The following KRT79 variants were observed in gnomAD, a reference collection of about 807,000 sequenced individuals.
KRT79 encodes keratin 79.
KRT79 carries 51 observed loss-of-function variants against 49.0 expected under a neutral mutation model. The observed-to-expected ratio is 1.04, with a 90% CI of 0.83 to 1.31. The LOEUF is 1.31. KRT79 is among the 40% of genes most tolerant of loss of function. The pLI, the probability that KRT79 is intolerant of heterozygous loss-of-function variation, is 0.00. For missense variants in KRT79, 728 were observed against 688.0 expected, an observed-to-expected ratio of 1.06 and a Z score of -0.65; for synonymous variants, 312 against 286.6, an observed-to-expected ratio of 1.09 and a Z score of -0.90.
intron 8 of KRT79, 69 bp downstream of exon 8, chr12:52,822,276 T>C: frequency 6.6e-7 from 1 of 1,507,528 alleles, no homozygotes; most frequent in Non-Finnish European, 9.1e-7. Flanking sequence ...CAGGTACAGG[T>C]TGCATAAACT....
intron 5 of KRT79, 81 bp downstream of exon 5, chr12:52,824,117 G>C: frequency 1.2e-6 from 2 of 1,611,886 alleles, no homozygotes; most frequent in East Asian, 2.2e-5. Flanking sequence ...GGACTCCAAG[G>C]GTCCCAGAGG....
At position 52,822,023 on chromosome 12, in the gene KRT79, C is replaced by T. The variant is rs569200326; in HGVS notation, c.1457G>A (p.Gly486Asp). The T allele has an allele frequency of 1.2e-6, 2 of 1,614,162 alleles. No homozygotes were observed. Among genetic ancestry groups the T allele is most frequent in the East Asian group, 2.2e-5 (1 of 44,882 alleles). The change falls in exon 9 of 9, where the codon GGT becomes GAT. Residue 486 changes from glycine to aspartate, a missense_variant. Coordinates refer to ENST00000330553, the MANE Select transcript of KRT79 (RefSeq NM_175834.3). ...CCCACTCCCACCCAGGGAGATGCCA[C>T]CTCCAAAGCTGGCTGCGCCACCTCC... ...VCGGGAASFG[G>D]GISLGGSGGA...
In KRT79 at chr12:52,833,085, C is replaced by T. The variant is rs114062626; in HGVS notation, c.477+699G>A. Among the ~76,000 whole-genome samples, 1,310 of 152,300 alleles carry T rather than the reference C, an allele frequency of 8.6e-3. 18 individuals carry two copies. The highest frequency in any genetic ancestry group is 0.03 in the African/African-American group (1,259 of 41,548). ...CCAGGAAATCCCAGCACAAGTGTTG[C>T]TCCCATCCATCTGGAGGCAAGGGCA... On this transcript the variant is annotated intron_variant, in intron 1 of 8. Transcript: ENST00000330553.
At chr12:52,822,621 T>C (rs995563906) in intron 7 of KRT79, among the ~76,000 whole-genome samples, 1 of 152,214 alleles carries the variant, frequency 6.6e-6, no homozygotes, top group Non-Finnish European at 1.5e-5. Context: ...TCTCTGCCCA[T>C]GTGGGCTACG....
intron 1 of KRT79, among the ~76,000 whole-genome samples, chr12:52,832,072 C>G (rs990471760): frequency 6.6e-6 from 1 of 152,078 alleles, no homozygotes; most frequent in Non-Finnish European, 1.5e-5. Context: ...AGTTCAAGAC[C>G]AGCCTAGGCA....
chr12:52,821,611 G>C lies in KRT79; in HGVS notation c.*261C>G. On this transcript the variant is annotated 3_prime_UTR_variant, in exon 9 of 9. Transcript: ENST00000330553. ...TGAGAAATTCAGCCTCCTCTCGGTG[G>C]TCAAAAGGTCACCCCCAAGTCACCC... 1.9e-6 allele frequency: 1 copy of C among 519,448 alleles called. No individual in the cohort carries two copies. Among genetic ancestry groups the C allele is most frequent in the Non-Finnish European group, 3.5e-6 (1 of 287,074 alleles). The allele number at this position is 519,448 out of a possible 1,614,324, so 32.2% of individuals were successfully genotyped here.
Position 52,821,882 on chromosome 12 carries a change from T to C in KRT79, c.1598A>G (p.Gln533Arg), listed in dbSNP as rs1940093292. 2 of 1,613,962 alleles carry C rather than the reference T, an allele frequency of 1.2e-6. No individual in the cohort carries two copies. The highest frequency in any genetic ancestry group is 1.7e-5 in the Admixed American group (1 of 60,014). ...RKTTTVKTSSQRY is the reference protein window; with the variant it reads ...RKTTTVKTSSRRY ...TGCAGGGCTCAGCAGCTAATACCTCTGGCTGGACGTCTTGACCGTAGTGGT... is the reference window on the plus strand; with the variant it reads ...TGCAGGGCTCAGCAGCTAATACCTCCGGCTGGACGTCTTGACCGTAGTGGT... The change falls in exon 9 of 9, where the codon CAG becomes CGG. Residue 533 changes from glutamine to arginine, a missense_variant. Physicochemically the swap from Gln to Arg is conservative, Grantham distance 43. Transcript: ENST00000330553.
At chr12:52,824,451 A>T in intron 4 of KRT79, 89 bp from the exon 5 acceptor site, 5 of 1,358,806 alleles carry the variant, frequency 3.7e-6, no homozygotes, top group Non-Finnish European at 5.1e-6. Context: ...CCCAGGTAGC[A>T]TCAGGAGGCC....
chr12:52,833,663 A>C, intron 1 of KRT79, 121 bp downstream of exon 1: 2 of 834,834 alleles, frequency 2.4e-6, no homozygotes, highest in South Asian at 1.5e-5. Context: ...GGAGAGCTCC[A>C]GAGCTCTATC....
intron 1 of KRT79, among the ~76,000 whole-genome samples, chr12:52,833,169 C>T (rs1052128764): frequency 1.6e-4 from 25 of 152,168 alleles, no homozygotes; most frequent in Non-Finnish European, 2.8e-4. Context: ...AGCTTGGTGA[C>T]CTGGTGACCA....
In KRT79 at chr12:52,821,823, G is replaced by A. The variant is rs1940091531; in HGVS notation, c.*49C>T. 6.5e-7 allele frequency: 1 copy of A among 1,536,956 alleles called. No homozygotes were observed. The highest frequency in any genetic ancestry group is 1.7e-5 in the Admixed American group (1 of 57,484). On this transcript the variant is annotated 3_prime_UTR_variant, in exon 9 of 9. Coordinates refer to ENST00000330553, the MANE Select transcript of KRT79 (RefSeq NM_175834.3). ...GACTGGAAAGGACAGCAGAGGTGGG[G>A]TGAGGAGGGCAGGGACAGGATTGCA...
chr12:52,830,369 A>T, intron 2 of KRT79, 77 bp from the exon 3 acceptor site: 2 of 1,249,940 alleles, frequency 1.6e-6, no homozygotes, highest in Non-Finnish European at 2.4e-6. Flanking sequence ...AGCCTTACAG[A>T]AGCCCTGATG....
chr12:52,830,289 G>C lies in KRT79; in HGVS notation c.702C>G (p.Tyr234Ter), dbSNP rs146150131. 215 of 1,614,088 alleles carry C rather than the reference G, an allele frequency of 1.3e-4. 2 individuals carry two copies. The East Asian group carries it at 4.8e-3, about 36-fold the overall frequency. Reference sequence around the variant, plus strand: ...CAGTGTGCTTGTTGATTTCATCCTCGTACCTGTTACACATGGGAGACTCAG... The same window carrying C: ...CAGTGTGCTTGTTGATTTCATCCTCCTACCTGTTACACATGGGAGACTCAG... ...QDLVEDFKNK[Y>*]EDEINKHTAA... Residue 234 changes from tyrosine (Y) to a stop codon, truncating the protein, a stop_gained, in exon 3 of 9, where the codon TAC becomes TAG. Coordinates refer to ENST00000330553, the MANE Select transcript of KRT79 (RefSeq NM_175834.3). LOFTEE classifies it high-confidence loss of function.
Position 52,821,614 on chromosome 12 carries a change from AAAAGGTCACC to A in KRT79, c.*248_*257del. 2.3e-5 allele frequency: 9 copies of A among 391,594 alleles called. No individual in the cohort carries two copies. The highest frequency in any genetic ancestry group is 9.7e-5 in the South Asian group (3 of 30,832). The allele number at this position is 391,594 out of a possible 1,614,324, so 24.3% of individuals were successfully genotyped here. A position where few individuals can be genotyped will look rare whatever the true frequency, so the allele number is the denominator to read the frequency against. On this transcript the variant is annotated 3_prime_UTR_variant, in exon 9 of 9. Transcript: ENST00000330553. ...GAAATTCAGCCTCCTCTCGGTGGTC[AAAAGGTCACC>A]CCCAAGTCACCCAAGCACATCACTC...
Position 52,822,366 on chromosome 12 carries a change from A to C in KRT79, c.1381T>G (p.Cys461Gly). The change falls in exon 8 of 9, where the codon TGT (cysteine) becomes GGT (glycine). Residue 461 changes from cysteine (C) to glycine (G), a missense_variant. Coordinates refer to ENST00000330553, the MANE Select transcript of KRT79 (RefSeq NM_175834.3). Reference protein sequence around the residue: ...ESEESRMSGECPSAVSISVTG... With the variant: ...ESEESRMSGEGPSAVSISVTG... ...TCACAAATGCTGACTGCACTGGGAC[A>C]TTCTCCAGACATCCTAGGGGACACA... is the stretch of plus-strand genomic sequence containing the variant. 6.2e-7 allele frequency: 1 copy of C among 1,602,032 alleles called. No individual in the cohort carries two copies. The highest frequency in any genetic ancestry group is 1.1e-5 in the South Asian group (1 of 88,388).
chr12:52,827,233 C>T (rs553177508), intron 4 of KRT79, among the ~76,000 whole-genome samples: 10 of 82,962 alleles, frequency 1.2e-4, no homozygotes, highest in East Asian at 3.3e-4. Flanking sequence ...TCAGCCATGG[C>T]GTCCCATGTG....
intron 4 of KRT79, among the ~76,000 whole-genome samples, chr12:52,826,246 G>A (rs868051481): frequency 6.6e-6 from 1 of 152,166 alleles, no homozygotes; most frequent in Non-Finnish European, 1.5e-5. Flanking sequence ...GGAACAAGGG[G>A]ATAGAAAGGT....
Position 52,822,467 on chromosome 12 carries a change from A to T in KRT79, c.1368-88T>A, listed in dbSNP as rs1368257931. ...CTCCTTCCCTCTGCCTTTACATTGG[A>T]TCCACTCAGTGAATCCTGATGACAA... On this transcript the variant is annotated intron_variant, in intron 7 of 8. Coordinates refer to ENST00000330553, the MANE Select transcript of KRT79 (RefSeq NM_175834.3). 4.6e-6 allele frequency: 4 copies of T among 863,584 alleles called. No homozygotes were observed. The African/African-American group carries it at 6.8e-5, about 15-fold the overall frequency. 53.5% of individuals were successfully genotyped at this position (863,584 alleles called of 1,614,324 possible). A position where few individuals can be genotyped will look rare whatever the true frequency, so the allele number is the denominator to read the frequency against.
chr12:52,824,760 C>G (rs1316948993), intron 4 of KRT79, among the ~76,000 whole-genome samples: 1 of 152,118 alleles, frequency 6.6e-6, no homozygotes, highest in Non-Finnish European at 1.5e-5. Flanking sequence ...GGAAAGACAC[C>G]CCTTCAGGTG....
Sources: allele counts gnomAD v4.1 joint callset (sites outside exome capture counted in the v4.1 genomes callset), GRCh38; gene constraint gnomAD v4.1.1; transcripts MANE v1.5; gene names NCBI Gene and HGNC (gene_info 2026-07-23, HGNC 2026-07-21).